SLC9A1: variants seen among roughly 807,000 people sequenced by gnomAD.
The protein encoded by SLC9A1 is sodium/hydrogen exchanger 1.
SLC9A1 carries 22 observed loss-of-function variants against 67.9 expected under a neutral mutation model. The ratio of observed to expected loss-of-function variants is 0.32; its 90% CI spans 0.23 to 0.46. The LOEUF is 0.46. SLC9A1 is among the 20% of genes least tolerant of loss of function. SLC9A1 has a pLI of 1.00. For missense variants in SLC9A1, 686 were observed against 1,094.8 expected (o/e 0.63, Z 5.27); for synonymous variants, 421 against 471.8 (o/e 0.89, Z 1.40).
intron 1 of SLC9A1, among the ~76,000 whole-genome samples, chr1:27,133,836 C>T (rs2083402101): frequency 6.6e-6 from 1 of 151,258 alleles, no homozygotes; most frequent in African/African-American, 2.4e-5. Flanking sequence ...GCGATCTCGG[C>T]TCACTGCAAC....
At chr1:27,153,588 G>A (rs958827951) in intron 1 of SLC9A1, among the ~76,000 whole-genome samples, 2 of 152,222 alleles carry the variant, frequency 1.3e-5, no homozygotes, top group Admixed American at 6.5e-5. Context: ...TGCACTGGTT[G>A]CTGTTGACAG....
At chr1:27,110,454 C>T (rs554830573) in intron 2 of SLC9A1, among the ~76,000 whole-genome samples, 5 of 152,326 alleles carry the variant, frequency 3.3e-5, no homozygotes, top group African/African-American at 1.2e-4. Context: ...TTGCAATGAA[C>T]AGCCAAGTTC....
At chr1:27,120,118 GTTTTT>G (rs531248912) in intron 1 of SLC9A1, among the ~76,000 whole-genome samples, 1 of 150,678 alleles carries the variant, frequency 6.6e-6, no homozygotes, top group Non-Finnish European at 1.5e-5. Flanking sequence ...GGGATGGGAG[GTTTTT>G]TTTGTTTTGT....
At chr1:27,145,683 C>A (rs1422626778) in intron 1 of SLC9A1, among the ~76,000 whole-genome samples, 1 of 152,176 alleles carries the variant, frequency 6.6e-6, no homozygotes, top group Non-Finnish European at 1.5e-5. Flanking sequence ...AGGAACAGAG[C>A]TTTTCATCCT....
rs1445147395 is a variant in SLC9A1, at chr1:27,100,703, G to A, written c.2111-59C>T. The A allele has an allele frequency of 5.6e-6, 8 of 1,419,024 alleles. No homozygotes were observed. The highest frequency in any genetic ancestry group is 7.7e-6 in the Non-Finnish European group (8 of 1,037,948). The allele number at this position is 1,419,024 out of a possible 1,614,324, so 87.9% of individuals were successfully genotyped here. On this transcript the variant is annotated intron_variant, in intron 11 of 11. Coordinates refer to ENST00000263980, the MANE Select transcript of SLC9A1 (RefSeq NM_003047.5). The surrounding 1 kb of genome is among the most constrained non-coding windows in gnomAD (Gnocchi z 5.6). The stretch of plus-strand genomic sequence containing the variant: ...CGCTCTGGAGCCCGGCCCAGCACGT[G>A]CCACTCGGCCGCGTCAGTGCCTCCT...
chr1:27,130,186 C>T (rs768932239), intron 1 of SLC9A1, among the ~76,000 whole-genome samples: 1 of 152,192 alleles, frequency 6.6e-6, no homozygotes, highest in African/African-American at 2.4e-5. Flanking sequence ...CTGCAACCTC[C>T]GCCTCCTGGG....
rs2083127215 is a variant in SLC9A1, at chr1:27,099,911, C to T, written c.*396G>A. ...GCCTACTCAAGGGAGGCCTCAGCTCCCTCCCTTCCTGGGTGGGACCACAGC... is the reference window on the plus strand; with the variant it reads ...GCCTACTCAAGGGAGGCCTCAGCTCTCTCCCTTCCTGGGTGGGACCACAGC... On this transcript the variant is annotated 3_prime_UTR_variant, in exon 12 of 12. Coordinates refer to ENST00000263980, the MANE Select transcript of SLC9A1 (RefSeq NM_003047.5). 1 of 185,184 alleles carries T rather than the reference C, an allele frequency of 5.4e-6. No individual in the cohort carries two copies. The allele number at this position is 185,184 out of a possible 1,614,324, so 11.5% of individuals were successfully genotyped here.
In SLC9A1 at chr1:27,101,767, C is replaced by G. The variant is rs1319233467; in HGVS notation, c.1995G>C (p.Gln665His). 4 of 1,613,414 alleles carry G rather than the reference C, an allele frequency of 2.5e-6. No individual in the cohort carries two copies. In the South Asian group the frequency reaches 3.3e-5, roughly 13 times the overall value. ...GGGCCTTCTGCCTCCGGAGCAGCAT[C>G]TGGTTCCAGGCTTCCTCGTAGGGGT... The part of the protein sequence containing the change: ...VADPYEEAWN[Q>H]MLLRRQKARQ... The change falls in exon 10 of 12, where the codon CAG becomes CAC. Residue 665 changes from glutamine to histidine, a missense_variant. Coordinates refer to ENST00000263980, the MANE Select transcript of SLC9A1 (RefSeq NM_003047.5). This position sits in a 1 kb window ranked among gnomAD's most constrained non-coding sequence, Gnocchi z 4.9.
At chr1:27,108,011 C>T (rs1033288865) in intron 3 of SLC9A1, 146 bp from the exon 4 acceptor site, 9 of 625,352 alleles carry the variant, frequency 1.4e-5, no homozygotes, top group Non-Finnish European at 2.3e-5. Flanking sequence ...TGCTTTACAC[C>T]CTCTTGCCAC....
Position 27,119,157 on chromosome 1 carries a change from C to A in SLC9A1, c.353-4871G>T, listed in dbSNP as rs1279181742. Among the ~76,000 whole-genome samples, 4 of 152,102 alleles carry A rather than the reference C, an allele frequency of 2.6e-5. No individual in the cohort carries two copies. The South Asian group carries it at 8.3e-4, about 32-fold the overall frequency. On this transcript the variant is annotated intron_variant, in intron 1 of 11. Transcript: ENST00000263980. ...CCCAGCCCCCTGCGGCTGCTCTGCA[C>A]CACAAGAATGTTTTATTTATATCTC...
intron 1 of SLC9A1, among the ~76,000 whole-genome samples, chr1:27,153,361 G>A (rs527726006): frequency 7.9e-5 from 12 of 152,260 alleles, no homozygotes; most frequent in South Asian, 2.1e-4. Context: ...TTCCTGGGCC[G>A]GAAATTGACT....
intron 1 of SLC9A1, among the ~76,000 whole-genome samples, chr1:27,130,213 G>A (rs918882655): frequency 6.6e-6 from 1 of 152,160 alleles, no homozygotes; most frequent in Non-Finnish European, 1.5e-5. Context: ...CGATTGTCCC[G>A]CCTCAGCCTC....
intron 1 of SLC9A1, among the ~76,000 whole-genome samples, chr1:27,134,553 T>C (rs932655396): frequency 1.3e-5 from 2 of 152,196 alleles, no homozygotes; most frequent in Non-Finnish European, 2.9e-5. Context: ...CCCTGGGTTC[T>C]GGCCAGATCC....
intron 1 of SLC9A1, among the ~76,000 whole-genome samples, chr1:27,129,511 C>T (rs2083370721): frequency 6.6e-6 from 1 of 152,186 alleles, no homozygotes; most frequent in Non-Finnish European, 1.5e-5. Flanking sequence ...AGGCCCAGGG[C>T]TCTAGAAACA....
At chr1:27,126,436 C>T (rs1046691013) in intron 1 of SLC9A1, among the ~76,000 whole-genome samples, 6 of 152,074 alleles carry the variant, frequency 3.9e-5, no homozygotes, top group Admixed American at 1.3e-4. Context: ...AAGATGTTGT[C>T]GGGGGGGTCA....
intron 1 of SLC9A1, among the ~76,000 whole-genome samples, chr1:27,151,341 T>C (rs1557438758): frequency 6.6e-6 from 1 of 152,156 alleles, no homozygotes; most frequent in African/African-American, 2.4e-5. Flanking sequence ...CTGGATACTA[T>C]TAGTTCCCAT....
chr1:27,150,591 A>G (rs770995461), intron 1 of SLC9A1, among the ~76,000 whole-genome samples: 5 of 152,160 alleles, frequency 3.3e-5, no homozygotes, highest in Non-Finnish European at 7.3e-5. Flanking sequence ...CAGTTTTCCC[A>G]ATAGCCTAAA....
At chr1:27,125,913 T>C (rs2124176334) in intron 1 of SLC9A1, among the ~76,000 whole-genome samples, 1 of 152,150 alleles carries the variant, frequency 6.6e-6, no homozygotes. Context: ...TTTTAAGAGG[T>C]AAGACATACT....
intron 1 of SLC9A1, among the ~76,000 whole-genome samples, chr1:27,123,150 A>G (rs961950319): frequency 2.6e-5 from 4 of 152,186 alleles, no homozygotes; most frequent in Non-Finnish European, 5.9e-5. Flanking sequence ...ATGGAAATAT[A>G]TTATATTGCT....
Sources: allele counts gnomAD v4.1 joint callset (sites outside exome capture counted in the v4.1 genomes callset), GRCh38; gene constraint gnomAD v4.1.1; non-coding constraint Gnocchi (gnomAD v3.1); transcripts MANE v1.5; gene names NCBI Gene and HGNC (gene_info 2026-07-23, HGNC 2026-07-21).